Variants in PTPRG observed in about 807,000 individuals in gnomAD.
The protein encoded by PTPRG is receptor-type tyrosine-protein phosphatase gamma.
A neutral mutation model predicts 165.3 loss-of-function variants in PTPRG; 102 were observed. The ratio of observed to expected loss-of-function variants is 0.62; its 90% confidence interval spans 0.53 to 0.73. PTPRG has a LOEUF of 0.73. Among genes scored for constraint, PTPRG ranks in the 30% least tolerant of loss-of-function variants. The pLI, the probability that PTPRG is intolerant of heterozygous loss-of-function variation, is 0.00. For synonymous variants in PTPRG, 675 were observed against 669.5 expected, an observed-to-expected ratio of 1.01 and a Z score of -0.13; for missense variants, 1,866 against 1,861.4, an observed-to-expected ratio of 1.00 and a Z score of -0.05.
At chr3:61,863,289 A>G (rs769815504) in intron 2 of PTPRG, among the ~76,000 whole-genome samples, 9 of 152,164 alleles carry the variant, frequency 5.9e-5, no homozygotes, top group Non-Finnish European at 1.2e-4. Flanking sequence ...CATCTGCCTC[A>G]CCTGTATGCC....
chr3:61,656,415 C>T (rs566799602), intron 1 of PTPRG, among the ~76,000 whole-genome samples: 1 of 151,992 alleles, frequency 6.6e-6, no homozygotes, highest in African/African-American at 2.4e-5. Flanking sequence ...AAAAACTGAC[C>T]GTTTCATAAA....
chr3:61,782,729 A>C (rs1168117815), intron 2 of PTPRG, among the ~76,000 whole-genome samples: 1 of 152,198 alleles, frequency 6.6e-6, no homozygotes, highest in Non-Finnish European at 1.5e-5. Flanking sequence ...TTTTAAGCTG[A>C]AGGTTATGAT....
Position 62,269,313 on chromosome 3 carries a change from A to G in PTPRG, c.3009+144A>G, listed in dbSNP as rs1365350380. On this transcript the variant is annotated intron_variant, in intron 20 of 29. Coordinates refer to ENST00000474889, the MANE Select transcript of PTPRG (RefSeq NM_002841.4). ...CATTTTTTCATAACTCTTTTGATTG[A>G]CATCAGTGTATGGTGTGAAAGGTAT... The G allele has an allele frequency of 1.9e-5, 16 of 854,102 alleles. No individual in the cohort carries two copies. In the South Asian group the frequency reaches 3.9e-4, roughly 21 times the overall value. 52.9% of individuals were successfully genotyped at this position (854,102 alleles called of 1,614,324 possible).
Position 62,215,546 on chromosome 3 carries a change from A to ACCCCCCCC in PTPRG, c.2156-3300_2156-3293dup, listed in dbSNP as rs35317755. 2.7e-4 allele frequency among the ~76,000 whole-genome samples: 17 copies of ACCCCCCCC among 63,786 alleles called. 1 individual carries two copies. Among genetic ancestry groups the ACCCCCCCC allele is most frequent in the South Asian group, 8.5e-4 (1 of 1,176 alleles). The allele number at this position is 63,786 out of a possible 152,430, so 41.8% of individuals were successfully genotyped here. A position where few individuals can be genotyped will look rare whatever the true frequency, so the allele number is the denominator to read the frequency against. On this transcript the variant is annotated intron_variant, in intron 12 of 29. Coordinates refer to ENST00000474889, the MANE Select transcript of PTPRG (RefSeq NM_002841.4). The stretch of plus-strand genomic sequence containing the variant: ...AGATAGGCTCCAACCCCCTACGGGA[A>ACCCCCCCC]CCCCCCCCCCCCGCCAATTATTACA...
rs971974853 is a variant in PTPRG at position 61,874,678 on chromosome 3, G to C, written c.191-114947G>C. ...TTTTGATTGTTAGGCTTTGGGACAG[G>C]GGGAGTGTGCTGTTAACATTTAGTG... On this transcript the variant is annotated intron_variant, in intron 2 of 29. Coordinates refer to ENST00000474889, the MANE Select transcript of PTPRG (RefSeq NM_002841.4). Among the ~76,000 whole-genome samples, 8 of 152,252 alleles carry C rather than the reference G, an allele frequency of 5.3e-5. No individual in the cohort carries two copies. The South Asian group carries it at 8.3e-4, about 16-fold the overall frequency.
chr3:61,685,389 CT>C (rs1230485428), intron 1 of PTPRG, among the ~76,000 whole-genome samples: 1 of 152,198 alleles, frequency 6.6e-6, no homozygotes, highest in Non-Finnish European at 1.5e-5. Context: ...CAATAGGGAT[CT>C]GACTACCTCA....
At chr3:62,241,416 G>A (rs1311314816) in intron 14 of PTPRG, among the ~76,000 whole-genome samples, 3 of 152,156 alleles carry the variant, frequency 2.0e-5, no homozygotes, top group Admixed American at 6.5e-5. Flanking sequence ...GTACAGATGC[G>A]GAGCTTTGTC....
intron 2 of PTPRG, among the ~76,000 whole-genome samples, chr3:61,962,777 A>G (rs541225884): frequency 2.2e-4 from 34 of 152,304 alleles, no homozygotes; most frequent in Middle Eastern, 6.8e-3. Context: ...CTGGGACACC[A>G]AAGAGAGCTG....
chr3:61,770,367 T>G (rs571616039), intron 2 of PTPRG: 1 of 152,188 alleles, frequency 6.6e-6, no homozygotes, highest in Non-Finnish European at 1.5e-5. Flanking sequence ...TTTCCTCACG[T>G]GAAGAGCTAA....
At chr3:61,674,050 A>AG (rs1703129124) in intron 1 of PTPRG, among the ~76,000 whole-genome samples, 1 of 149,586 alleles carries the variant, frequency 6.7e-6, no homozygotes, top group Non-Finnish European at 1.5e-5. Flanking sequence ...GGGGTAGGGG[A>AG]GGGATAGCAT....
intron 2 of PTPRG, among the ~76,000 whole-genome samples, chr3:61,784,679 C>T (rs1167244008): frequency 6.6e-6 from 1 of 152,174 alleles, no homozygotes; most frequent in African/African-American, 2.4e-5. Flanking sequence ...TGATCATGAT[C>T]TATTTCTTCT....
intron 1 of PTPRG, among the ~76,000 whole-genome samples, chr3:61,746,555 C>T (rs2033214627): frequency 6.6e-6 from 1 of 152,070 alleles, no homozygotes; most frequent in Non-Finnish European, 1.5e-5. Flanking sequence ...ATTTTAAGGT[C>T]CTCTGTTAAT....
chr3:61,777,156 G>T (rs564938688), intron 2 of PTPRG, among the ~76,000 whole-genome samples: 1 of 152,202 alleles, frequency 6.6e-6, no homozygotes, highest in Admixed American at 6.5e-5. Flanking sequence ...ATTTTACTCG[G>T]TAGCTTTATT....
At chr3:61,740,104 T>C (rs677759) in intron 1 of PTPRG, among the ~76,000 whole-genome samples, 91,325 of 151,982 alleles carry the variant, frequency 0.6, 28,252 homozygotes, top group Middle Eastern at 0.68. Flanking sequence ...CCATTTCTGC[T>C]GGCCATTAAA....
At chr3:62,086,526 A>G (rs996286709) in intron 5 of PTPRG, among the ~76,000 whole-genome samples, 1 of 152,190 alleles carries the variant, frequency 6.6e-6, no homozygotes, top group African/African-American at 2.4e-5. Context: ...CGGTAAACTA[A>G]TATGATTCCT....
chr3:61,887,992 AAAC>A (rs1392962593), intron 2 of PTPRG, among the ~76,000 whole-genome samples: 2 of 152,178 alleles, frequency 1.3e-5, no homozygotes, highest in African/African-American at 4.8e-5. Context: ...AAAAACCAAA[AAAC>A]AACAAACATA....
chr3:61,969,894 G>T (rs1281748399), intron 2 of PTPRG, among the ~76,000 whole-genome samples: 1 of 152,156 alleles, frequency 6.6e-6, no homozygotes, highest in Non-Finnish European at 1.5e-5. Context: ...CACACTGGTA[G>T]AATAGATTAA....
At chr3:61,628,320 A>G (rs967696945) in intron 1 of PTPRG, among the ~76,000 whole-genome samples, 11 of 151,404 alleles carry the variant, frequency 7.3e-5, no homozygotes, top group South Asian at 2.1e-4. Flanking sequence ...TCATTTTTAT[A>G]TATTTATTTT....
intron 7 of PTPRG, among the ~76,000 whole-genome samples, chr3:62,159,149 A>AC (rs1704648793): frequency 6.6e-6 from 1 of 151,792 alleles, no homozygotes; most frequent in Non-Finnish European, 1.5e-5. Context: ...ACATGGCAAG[A>AC]CCCCAATCTC....
Sources: gnomAD v4.1 joint callset for allele counts (sites outside exome capture counted in the v4.1 genomes callset) on GRCh38, gnomAD v4.1.1 for gene constraint, MANE v1.5 for transcripts, NCBI Gene and HGNC (gene_info 2026-07-23, HGNC 2026-07-21) for gene names.